Variants in ACTR3C observed in about 807,000 individuals in gnomAD.
The protein encoded by ACTR3C is actin related protein 3C, also known as actin-related protein 3C.
ACTR3C carries 18 observed loss-of-function variants against 26.3 expected under a neutral mutation model. The observed-to-expected ratio is 0.68, with a 90% confidence interval of 0.47 to 1.01. ACTR3C has a LOEUF of 1.01. Among genes scored for constraint, ACTR3C ranks in the 50% least tolerant of loss-of-function variants. The pLI is 0.00. For synonymous variants in ACTR3C, 55 were observed against 94.5 expected (o/e 0.58, Z 2.42); for missense variants, 184 against 250.7 (o/e 0.73, Z 1.80).
the ACTR3C span, among the ~76,000 whole-genome samples, chr7:150,088,462 C>T: frequency 6.6e-6 from 1 of 152,130 alleles, no homozygotes; most frequent in East Asian, 1.9e-4. Context: ...AAAAGGAATT[C>T]TCATGCAAAG....
chr7:150,209,230 T>TACAGAA, the ACTR3C span, among the ~76,000 whole-genome samples: 4 of 113,522 alleles, frequency 3.5e-5, no homozygotes, highest in East Asian at 7.5e-4. Flanking sequence ...GAGAGAGAGA[T>TACAGAA]ACAGAAACAG....
At chr7:150,246,857 A>G (rs1832489722), downstream of ACTR3C, 1 of 152,246 alleles carries the variant, frequency 6.6e-6, no homozygotes, top group South Asian at 2.1e-4. Context: ...CAATGGCGTG[A>G]TCTCGGCTCA....
chr7:150,206,577 A>T, the ACTR3C span, among the ~76,000 whole-genome samples: 2 of 151,486 alleles, frequency 1.3e-5, no homozygotes, highest in African/African-American at 4.9e-5. Context: ...CCATGCCCAG[A>T]TAATTTTTTT....
chr7:149,942,736 G>A, the ACTR3C span, among the ~76,000 whole-genome samples: 1 of 149,838 alleles, frequency 6.7e-6, no homozygotes, highest in Non-Finnish European at 1.5e-5. Flanking sequence ...CACAATATAA[G>A]GAATAGTTCC....
chr7:150,016,742 A>G, the ACTR3C span, among the ~76,000 whole-genome samples: 2 of 152,132 alleles, frequency 1.3e-5, no homozygotes, highest in Non-Finnish European at 2.9e-5. Flanking sequence ...CCCAAGGCTT[A>G]TATACCATAG....
the ACTR3C span, among the ~76,000 whole-genome samples, chr7:149,944,931 G>T: frequency 8.6e-5 from 13 of 151,870 alleles, no homozygotes; most frequent in Non-Finnish European, 1.5e-4. Context: ...AAGAAAGGCC[G>T]TGCCAGGCCA....
intron 3 of ACTR3C, among the ~76,000 whole-genome samples, chr7:150,291,432 A>G (rs1211205721): frequency 3.9e-5 from 6 of 152,108 alleles, no homozygotes; most frequent in Non-Finnish European, 8.8e-5. Context: ...TCCATCTCCA[A>G]AAAAAAAGAA....
chr7:150,070,239 C>G, the ACTR3C span, among the ~76,000 whole-genome samples: 1 of 152,192 alleles, frequency 6.6e-6, no homozygotes, highest in African/African-American at 2.4e-5. Context: ...AGCATCACGG[C>G]TGTAAGAACA....
the ACTR3C span, among the ~76,000 whole-genome samples, chr7:150,143,429 T>C: frequency 6.6e-6 from 1 of 152,222 alleles, no homozygotes; most frequent in South Asian, 2.1e-4. Context: ...TTTCTCACTC[T>C]TTAGTTGGCT....
At chr7:150,077,700 GAGTC>G in the ACTR3C span, among the ~76,000 whole-genome samples, 1 of 152,192 alleles carries the variant, frequency 6.6e-6, no homozygotes, top group Non-Finnish European at 1.5e-5. Context: ...AGTTAAGAAA[GAGTC>G]AGCTGTCAAA....
the ACTR3C span, among the ~76,000 whole-genome samples, chr7:149,986,468 C>T: frequency 5.9e-5 from 9 of 152,208 alleles, no homozygotes; most frequent in South Asian, 1.7e-3. Context: ...CCCTGACTAC[C>T]CAAGCAGAGT....
the ACTR3C span, among the ~76,000 whole-genome samples, chr7:149,931,646 G>A: frequency 0.02 from 3,022 of 152,314 alleles, 45 homozygotes; most frequent in Non-Finnish European, 0.031. Context: ...CAACCTGGAG[G>A]AGTTTAATAA....
At chr7:149,910,267 T>C in the ACTR3C span, among the ~76,000 whole-genome samples, 1 of 151,960 alleles carries the variant, frequency 6.6e-6, no homozygotes, top group Non-Finnish European at 1.5e-5. Context: ...TAAAATGTCA[T>C]GGCATATGTC....
downstream of ACTR3C, among the ~76,000 whole-genome samples, chr7:150,240,220 T>A (rs907629685): frequency 1.3e-5 from 2 of 152,244 alleles, no homozygotes; most frequent in Admixed American, 1.3e-4. Flanking sequence ...AATACCATTT[T>A]AAAGTGTAGA....
In ACTR3C at chr7:150,307,194, G is replaced by A. The variant is rs1278662165; in HGVS notation, c.-51-11847C>T. On this transcript the variant is annotated intron_variant, in intron 1 of 7. Coordinates refer to ENST00000683684, the MANE Select transcript of ACTR3C (RefSeq NM_001164458.2). ...TAGTTTTATACATTTTAGGGAGATAGGAAATATCAATCAAATACATGTAAG... is the reference window on the plus strand; with the variant it reads ...TAGTTTTATACATTTTAGGGAGATAAGAAATATCAATCAAATACATGTAAG... Among the ~76,000 whole-genome samples, 4 of 152,334 alleles carry A rather than the reference G, an allele frequency of 2.6e-5. No homozygotes were observed. The East Asian group carries it at 5.8e-4, about 22-fold the overall frequency.
chr7:150,001,051 G>C, the ACTR3C span: 1 of 152,472 alleles, frequency 6.6e-6, no homozygotes, highest in Non-Finnish European at 1.5e-5. Context: ...AGAGCCGTGA[G>C]CATCACAGGA....
intron 4 of ACTR3C, 80 bp downstream of exon 4, chr7:150,289,370 G>A: frequency 1.4e-6 from 2 of 1,469,106 alleles, no homozygotes; most frequent in Non-Finnish European, 1.8e-6. Context: ...AGGAGGGGCA[G>A]GGATGATGGC....
chr7:150,127,221 G>A, the ACTR3C span, among the ~76,000 whole-genome samples: 18 of 150,240 alleles, frequency 1.2e-4, no homozygotes, highest in African/African-American at 3.7e-4. Context: ...TCTAAGTGCC[G>A]GATTCCCCAC....
chr7:150,280,783 A>G (rs1835253180), intron 6 of ACTR3C, among the ~76,000 whole-genome samples: 1 of 147,660 alleles, frequency 6.8e-6, no homozygotes, highest in Non-Finnish European at 1.5e-5. Flanking sequence ...AATATGCACA[A>G]TTTTCCTGCT....
Sources: allele counts gnomAD v4.1 joint callset (sites outside exome capture counted in the v4.1 genomes callset), GRCh38; gene constraint gnomAD v4.1.1; transcripts MANE v1.5; gene names NCBI Gene and HGNC (gene_info 2026-07-23, HGNC 2026-07-21).